The following SLC39A11 variants were observed in gnomAD, a reference collection of about 807,000 sequenced individuals.
SLC39A11 encodes zinc transporter ZIP11.
In SLC39A11, 33 loss-of-function variants were observed where a neutral mutation model predicts 36.1. The ratio of observed to expected loss-of-function variants is 0.91; its 90% CI spans 0.69 to 1.22. The LOEUF is 1.22. Among genes scored for constraint, SLC39A11 ranks in the 50% most tolerant of loss-of-function variants. The probability of loss-of-function intolerance (pLI) is 0.00; values close to 1 mark genes in which losing one functional copy is unlikely to be tolerated. For synonymous variants in SLC39A11, 166 were observed against 170.3 expected (o/e 0.97, Z 0.20); for missense variants, 432 against 430.3 (o/e 1.00, Z -0.03).
At chr17:72,781,450 G>T (rs2076316533) in intron 6 of SLC39A11, among the ~76,000 whole-genome samples, 1 of 149,810 alleles carries the variant, frequency 6.7e-6, no homozygotes, top group African/African-American at 2.5e-5. Context: ...TTGAGACGGA[G>T]TCTCGCTCTA....
intron 7 of SLC39A11, among the ~76,000 whole-genome samples, chr17:72,730,837 CT>C (rs1305036858): frequency 1.3e-5 from 2 of 151,976 alleles, no homozygotes; most frequent in Non-Finnish European, 2.9e-5. Flanking sequence ...TTTTTTTTCT[CT>C]TTTATAGAGA....
At chr17:72,800,740 C>T (rs1408117585) in intron 6 of SLC39A11, among the ~76,000 whole-genome samples, 2 of 151,952 alleles carry the variant, frequency 1.3e-5, no homozygotes, top group African/African-American at 2.4e-5. Flanking sequence ...AGGCAGAGAG[C>T]GATGGCTCAA....
At chr17:72,956,930 T>G (rs2147866938) in intron 4 of SLC39A11, among the ~76,000 whole-genome samples, 1 of 152,326 alleles carries the variant, frequency 6.6e-6, no homozygotes, top group Non-Finnish European at 1.5e-5. Flanking sequence ...TGGGCATGGC[T>G]GCTCATCCAC....
chr17:72,775,640 C>T (rs6501565), intron 6 of SLC39A11, among the ~76,000 whole-genome samples: 8,330 of 152,248 alleles, frequency 0.055, 723 homozygotes, highest in African/African-American at 0.18. Flanking sequence ...GGCTACAAGG[C>T]ACTAGCTAAT....
chr17:72,928,865 C>CA (rs2084215429), intron 5 of SLC39A11, among the ~76,000 whole-genome samples: 1 of 152,246 alleles, frequency 6.6e-6, no homozygotes, highest in African/African-American at 2.4e-5. Context: ...TCATTTCACT[C>CA]AGTCAACAGA....
At chr17:73,003,444 G>T (rs2089937746) in intron 4 of SLC39A11, among the ~76,000 whole-genome samples, 1 of 152,206 alleles carries the variant, frequency 6.6e-6, no homozygotes, top group Non-Finnish European at 1.5e-5. Flanking sequence ...AAAGGCACTG[G>T]TGGGCAGTAG....
chr17:73,088,298 A>AAAAAAAG (rs1310246565), intron 2 of SLC39A11, among the ~76,000 whole-genome samples: 2 of 151,154 alleles, frequency 1.3e-5, no homozygotes, highest in East Asian at 3.9e-4. Flanking sequence ...TGTCTCAAAA[A>AAAAAAAG]AAAAAAGAAA....
At position 72,708,940 on chromosome 17, in the gene SLC39A11, C is replaced by CTT. The variant is rs397857013; in HGVS notation, c.671+27708_671+27709dup. ...ACCTAGGCAAAGCCTTTTTTCTTTT[C>CTT]TTTTTTTTTTTTTGAGACGGAGTCT... On this transcript the variant is annotated intron_variant, in intron 7 of 9. Coordinates refer to ENST00000255559, the MANE Select transcript of SLC39A11 (RefSeq NM_139177.4). 6.6e-3 allele frequency among the ~76,000 whole-genome samples: 967 copies of CTT among 145,450 alleles called. 15 individuals are homozygous for CTT. The highest frequency in any genetic ancestry group is 0.021 in the African/African-American group (835 of 39,746).
In SLC39A11 at chr17:72,678,624, G is replaced by C. The variant is rs528603995; in HGVS notation, c.672-29356C>G. Among the ~76,000 whole-genome samples, 5 of 152,146 alleles carry C rather than the reference G, an allele frequency of 3.3e-5. No individual in the cohort carries two copies. In the South Asian group the frequency reaches 1.0e-3, roughly 32 times the overall value. On this transcript the variant is annotated intron_variant, in intron 7 of 9. Coordinates refer to ENST00000255559, the MANE Select transcript of SLC39A11 (RefSeq NM_139177.4). ...GGAGGCTGAGGCAGGAGAATTGCTT[G>C]AACCCAGGAGGCAAAGGTTGTAGTG...
At chr17:73,002,884 G>C (rs2089900315) in intron 4 of SLC39A11, among the ~76,000 whole-genome samples, 3 of 152,158 alleles carry the variant, frequency 2.0e-5, no homozygotes, top group Non-Finnish European at 4.4e-5. Context: ...CAGCCTCTAT[G>C]GTCATGTTGC....
rs58702930 is a variant in SLC39A11, at chr17:72,905,172, C to CAAAAAAAAAAAAAAA, written c.430+42565_430+42579dup. The stretch of plus-strand genomic sequence containing the variant: ...TGGGCAACACAGCGAGACTCCATCT[C>CAAAAAAAAAAAAAAA]AAAAAAAAAAAAAAAAAAAAAAAAA... On this transcript the variant is annotated intron_variant, in intron 5 of 9. Coordinates refer to ENST00000255559, the MANE Select transcript of SLC39A11 (RefSeq NM_139177.4). Among the ~76,000 whole-genome samples, 3 of 42,918 alleles carry CAAAAAAAAAAAAAAA rather than the reference C, an allele frequency of 7.0e-5. 1 individual carries two copies. The highest frequency in any genetic ancestry group is 2.7e-4 in the African/African-American group (3 of 10,976). 28.2% of individuals were successfully genotyped at this position (42,918 alleles called of 152,430 possible).
intron 6 of SLC39A11, among the ~76,000 whole-genome samples, chr17:72,812,269 A>G (rs574746408): frequency 6.6e-6 from 1 of 152,314 alleles, no homozygotes; most frequent in South Asian, 2.1e-4. Flanking sequence ...GGGCTGGCAA[A>G]CTTTATCCGT....
At position 72,685,576 on chromosome 17, in the gene SLC39A11, C is replaced by G. The variant is rs1415961745; in HGVS notation, c.672-36308G>C. Among the ~76,000 whole-genome samples, 5 of 152,340 alleles carry G rather than the reference C, an allele frequency of 3.3e-5. No homozygotes were observed. In the East Asian group the frequency reaches 9.6e-4, roughly 29 times the overall value. ...TTCATCTCAGGAACGTGGCAAAGGTCAGTTTTCATCTGACCTGGGTTTTTA... is the reference window on the plus strand; with the variant it reads ...TTCATCTCAGGAACGTGGCAAAGGTGAGTTTTCATCTGACCTGGGTTTTTA... On this transcript the variant is annotated intron_variant, in intron 7 of 9. Coordinates refer to ENST00000255559, the MANE Select transcript of SLC39A11 (RefSeq NM_139177.4).
intron 3 of SLC39A11, 33 bp from the exon 4 acceptor site, chr17:73,031,747 A>G (rs1437279585): frequency 6.2e-7 from 1 of 1,608,480 alleles, no homozygotes; most frequent in Non-Finnish European, 8.5e-7. Flanking sequence ...TAAACGTTAA[A>G]GCAACTGCAG....
In SLC39A11 at chr17:72,647,691, A is replaced by G. The variant is rs2069619843; in HGVS notation, c.930-29T>C. On this transcript the variant is annotated intron_variant, in intron 9 of 9. Coordinates refer to ENST00000255559, the MANE Select transcript of SLC39A11 (RefSeq NM_139177.4). Reference sequence around the variant, plus strand: ...GAAGAGAAGGACAGGAAGAAAAGTAAGACCTTAATGATCCCTGAGGCCACG... The same window carrying G: ...GAAGAGAAGGACAGGAAGAAAAGTAGGACCTTAATGATCCCTGAGGCCACG... The G allele has an allele frequency of 1.9e-6, 3 of 1,600,680 alleles. No individual in the cohort carries two copies. The East Asian group carries it at 6.7e-5, about 36-fold the overall frequency.
At chr17:73,073,133 T>C (rs1171526128) in intron 3 of SLC39A11, among the ~76,000 whole-genome samples, 1 of 152,182 alleles carries the variant, frequency 6.6e-6, no homozygotes, top group Non-Finnish European at 1.5e-5. Flanking sequence ...TGAGCCAAGA[T>C]TGTGCCACTG....
intron 7 of SLC39A11, among the ~76,000 whole-genome samples, chr17:72,699,696 G>C (rs943062891): frequency 6.6e-6 from 1 of 152,202 alleles, no homozygotes; most frequent in African/African-American, 2.4e-5. Flanking sequence ...AGATCTCTGG[G>C]GACAGAGCAA....
rs148184510 is a variant in SLC39A11 at position 73,059,281 on chromosome 17, A to G, written c.147+25527T>C. On this transcript the variant is annotated intron_variant, in intron 3 of 9. Coordinates refer to ENST00000255559, the MANE Select transcript of SLC39A11 (RefSeq NM_139177.4). ...ATGTATATTCATGAAATGTTAGTATATAACAGTTTAAAATTGTTTTACTTC... is the reference window on the plus strand; with the variant it reads ...ATGTATATTCATGAAATGTTAGTATGTAACAGTTTAAAATTGTTTTACTTC... Among the ~76,000 whole-genome samples, 34 of 152,378 alleles carry G rather than the reference A, an allele frequency of 2.2e-4. No individual in the cohort carries two copies. The East Asian group carries it at 4.4e-3, about 20-fold the overall frequency.
At chr17:72,994,127 T>C (rs1478603871) in intron 4 of SLC39A11, among the ~76,000 whole-genome samples, 2 of 152,196 alleles carry the variant, frequency 1.3e-5, no homozygotes, top group Non-Finnish European at 2.9e-5. Context: ...ATAAAAATCC[T>C]GCAGTATTTC....
Sources: allele counts gnomAD v4.1 joint callset (sites outside exome capture counted in the v4.1 genomes callset), GRCh38; gene constraint gnomAD v4.1.1; transcripts MANE v1.5; gene names NCBI Gene and HGNC (gene_info 2026-07-23, HGNC 2026-07-21).